Variants in HS3ST5 observed in about 807,000 individuals in gnomAD.
The protein encoded by HS3ST5 is heparan sulfate glucosamine 3-O-sulfotransferase 5.
Under a neutral mutation model 25.4 loss-of-function variants are expected in HS3ST5, and 10 were observed. That is an observed-to-expected ratio of 0.39 (90% confidence interval 0.24 to 0.67). The LOEUF (loss-of-function observed/expected upper bound fraction) is 0.67, where lower values mean the gene tolerates loss of function less well. Ranked by LOEUF, HS3ST5 falls within the 30% of genes least tolerant of loss-of-function variation. The pLI, the probability that HS3ST5 is intolerant of heterozygous loss-of-function variation, is 0.44. For missense variants in HS3ST5, 324 were observed against 420.7 expected (o/e 0.77, Z 2.01); for synonymous variants, 170 against 162.4 (o/e 1.05, Z -0.36).
intron 2 of HS3ST5, among the ~76,000 whole-genome samples, chr6:114,201,814 AC>A (rs1213441982): frequency 6.6e-6 from 1 of 152,176 alleles, no homozygotes; most frequent in Non-Finnish European, 1.5e-5. Context: ...CAGGAAACTT[AC>A]AATCAGGCAG....
At chr6:114,304,607 G>A (rs1388350862) in intron 1 of HS3ST5, among the ~76,000 whole-genome samples, 1 of 151,992 alleles carries the variant, frequency 6.6e-6, no homozygotes, top group Non-Finnish European at 1.5e-5. Flanking sequence ...TTTGTTTCAT[G>A]TAGGTTTTAT....
chr6:114,093,830 A>G (rs760074691), intron 3 of HS3ST5, among the ~76,000 whole-genome samples: 2 of 152,228 alleles, frequency 1.3e-5, no homozygotes, highest in Non-Finnish European at 2.9e-5. Flanking sequence ...GAATGGGAAT[A>G]TAATTGAATA....
At chr6:114,199,044 G>A (rs928494601) in intron 2 of HS3ST5, among the ~76,000 whole-genome samples, 2 of 152,078 alleles carry the variant, frequency 1.3e-5, no homozygotes, top group Non-Finnish European at 2.9e-5. Flanking sequence ...AAGACATAGG[G>A]CAACTGTCTA....
rs35362794 is a variant in HS3ST5 at position 114,320,914 on chromosome 6, C to CTA, written c.-339+21279_-339+21280dup. ...AAGTGCTCTCTCTCTCTCTCTCTCT[C>CTA]TATATATATATATATATACATATAT... is the stretch of plus-strand genomic sequence containing the variant. On this transcript the variant is annotated intron_variant, in intron 1 of 4. Coordinates refer to ENST00000312719, the MANE Select transcript of HS3ST5 (RefSeq NM_153612.4). 1.4e-3 allele frequency among the ~76,000 whole-genome samples: 190 copies of CTA among 135,708 alleles called. 1 individual carries two copies. Among genetic ancestry groups the CTA allele is most frequent in the East Asian group, 5.2e-3 (25 of 4,792 alleles). 89.0% of individuals were successfully genotyped at this position (135,708 alleles called of 152,430 possible).
At chr6:114,065,569 G>C (rs1436597311) in intron 3 of HS3ST5, among the ~76,000 whole-genome samples, 1 of 152,190 alleles carries the variant, frequency 6.6e-6, no homozygotes, top group Non-Finnish European at 1.5e-5. Flanking sequence ...CCATAGTGCT[G>C]TAGTAAGAAT....
intron 1 of HS3ST5, among the ~76,000 whole-genome samples, chr6:114,254,553 T>A (rs1187838819): frequency 6.6e-6 from 1 of 152,158 alleles, no homozygotes. Context: ...GTTGTATTAG[T>A]CCTTTTTCAC....
intron 1 of HS3ST5, among the ~76,000 whole-genome samples, chr6:114,269,906 A>G (rs1773566726): frequency 6.6e-6 from 1 of 152,134 alleles, no homozygotes; most frequent in African/African-American, 2.4e-5. Flanking sequence ...TGGATTTAAT[A>G]TTTATCCAGT....
chr6:114,098,716 T>C (rs187325291), intron 3 of HS3ST5, among the ~76,000 whole-genome samples: 452 of 152,048 alleles, frequency 3.0e-3, no homozygotes, highest in Non-Finnish European at 5.1e-3. Flanking sequence ...GATAATATCT[T>C]CTGAGGTAAT....
intron 3 of HS3ST5, among the ~76,000 whole-genome samples, chr6:114,093,928 A>G (rs1775283136): frequency 6.6e-6 from 1 of 152,202 alleles, no homozygotes; most frequent in Admixed American, 6.5e-5. Flanking sequence ...AGCATGCAGG[A>G]CTGAAAAAAG....
chr6:114,109,165 GA>G (rs989997100), intron 3 of HS3ST5, among the ~76,000 whole-genome samples: 103 of 143,700 alleles, frequency 7.2e-4, no homozygotes, highest in Middle Eastern at 3.6e-3. Context: ...CCTGTCTCAA[GA>G]AAAAAAAAAA....
At chr6:114,174,066 T>A (rs548278059) in intron 2 of HS3ST5, among the ~76,000 whole-genome samples, 3 of 152,106 alleles carry the variant, frequency 2.0e-5, no homozygotes, top group African/African-American at 7.2e-5. Context: ...ACTGGGGTCC[T>A]AATTGCTCCC....
At chr6:114,251,797 A>G (rs1233873457) in intron 1 of HS3ST5, 3 of 152,252 alleles carry the variant, frequency 2.0e-5, no homozygotes, top group Non-Finnish European at 4.4e-5. Context: ...TGGAGCCAGC[A>G]CTGAAGAAGT....
At chr6:114,294,877 T>G (rs1340556085) in intron 1 of HS3ST5, among the ~76,000 whole-genome samples, 1 of 152,228 alleles carries the variant, frequency 6.6e-6, no homozygotes, top group East Asian at 1.9e-4. Flanking sequence ...TTCTTCTATG[T>G]ATCTTTCTTT....
chr6:114,078,059 T>C (rs780340969), intron 3 of HS3ST5, among the ~76,000 whole-genome samples: 1 of 152,200 alleles, frequency 6.6e-6, no homozygotes, highest in African/African-American at 2.4e-5. Flanking sequence ...TATGAATGTA[T>C]CATATTCAAA....
intron 1 of HS3ST5, among the ~76,000 whole-genome samples, chr6:114,341,110 TAAG>T (rs1336854755): frequency 4.8e-5 from 7 of 145,748 alleles, no homozygotes; most frequent in African/African-American, 1.8e-4. Flanking sequence ...CAGTGTTTTC[TAAG>T]AAGAAACTGG....
intron 1 of HS3ST5, among the ~76,000 whole-genome samples, chr6:114,321,587 T>TA (rs1293022618): frequency 6.6e-6 from 1 of 152,154 alleles, no homozygotes; most frequent in Non-Finnish European, 1.5e-5. Context: ...TCGATAATGA[T>TA]AAAGATCTTT....
intron 2 of HS3ST5, among the ~76,000 whole-genome samples, chr6:114,216,371 G>C (rs1781762021): frequency 6.6e-6 from 1 of 152,164 alleles, no homozygotes; most frequent in Non-Finnish European, 1.5e-5. Context: ...TGCAACTTCA[G>C]TTATGATACA....
chr6:114,060,681 C>T (rs1004921187), intron 4 of HS3ST5, among the ~76,000 whole-genome samples: 2 of 152,124 alleles, frequency 1.3e-5, no homozygotes, highest in Non-Finnish European at 2.9e-5. Context: ...CTGAGAGTGG[C>T]TGATATAGAC....
At chr6:114,218,086 C>T (rs919747181) in intron 2 of HS3ST5, among the ~76,000 whole-genome samples, 1 of 152,134 alleles carries the variant, frequency 6.6e-6, no homozygotes, top group African/African-American at 2.4e-5. Flanking sequence ...CAACCTCCGC[C>T]TCCCAGGTTC....
Sources: gnomAD v4.1 joint callset for allele counts (sites outside exome capture counted in the v4.1 genomes callset) on GRCh38, gnomAD v4.1.1 for gene constraint, MANE v1.5 for transcripts, NCBI Gene and HGNC (gene_info 2026-07-23, HGNC 2026-07-21) for gene names.